The following PDZRN4 variants were observed in gnomAD, a reference collection of about 807,000 sequenced individuals.
PDZRN4 encodes PDZ domain-containing RING finger protein 4.
Under a neutral mutation model 99.0 loss-of-function variants are expected in PDZRN4, and 70 were observed. That is an observed-to-expected ratio of 0.71 (90% CI 0.58 to 0.86). The LOEUF is 0.86. Ranked by LOEUF, PDZRN4 falls within the 40% of genes least tolerant of loss-of-function variation. The pLI is 0.00. For synonymous variants in PDZRN4, 551 were observed against 501.6 expected, an observed-to-expected ratio of 1.10 and a Z score of -1.32; for missense variants, 1,474 against 1,331.2, an observed-to-expected ratio of 1.11 and a Z score of -1.67.
At chr12:41,394,656 T>C (rs1424733580) in intron 3 of PDZRN4, among the ~76,000 whole-genome samples, 1 of 152,146 alleles carries the variant, frequency 6.6e-6, no homozygotes, top group African/African-American at 2.4e-5. Context: ...CTCATGTGGT[T>C]GTTAGAGGTC....
At chr12:41,453,643 G>A (rs1469709285) in intron 3 of PDZRN4, among the ~76,000 whole-genome samples, 1 of 152,128 alleles carries the variant, frequency 6.6e-6, no homozygotes, top group Non-Finnish European at 1.5e-5. Flanking sequence ...TGTGACTAGT[G>A]GCTTCAAATG....
intron 3 of PDZRN4, among the ~76,000 whole-genome samples, chr12:41,376,407 A>T (rs1457745693): frequency 6.6e-6 from 1 of 151,982 alleles, no homozygotes; most frequent in Non-Finnish European, 1.5e-5. Flanking sequence ...TGTTTTTTTT[A>T]GATAATAGCC....
chr12:41,334,389 T>TAAAAAAAAA (rs59977032), intron 3 of PDZRN4, among the ~76,000 whole-genome samples: 1 of 143,738 alleles, frequency 7.0e-6, no homozygotes, highest in Non-Finnish European at 1.5e-5. Context: ...AATGAAAAGT[T>TAAAAAAAAA]AAAAAAAAAA....
chr12:41,214,430 T>TAAAAAAAAAAAAAAAAAAAAAAAAAA lies in PDZRN4; in HGVS notation c.843+20262_843+20263insAAAAAAAAAAAAAAAAAAAAAAAAAA, dbSNP rs536246838. Among the ~76,000 whole-genome samples the TAAAAAAAAAAAAAAAAAAAAAAAAAA allele has an allele frequency of 1.6e-3, 54 of 34,050 alleles. 13 individuals carry two copies. The highest frequency in any genetic ancestry group is 2.8e-3 in the Non-Finnish European group (44 of 15,802). 22.3% of individuals were successfully genotyped at this position (34,050 alleles called of 152,430 possible). A position where few individuals can be genotyped will look rare whatever the true frequency, so the allele number is the denominator to read the frequency against. Reference sequence around the variant, plus strand: ...GGCAATAGAAGGAGACCCTGTCCCCTAAAAAAAAAAAAAAAAAAAAGTTAT... The same window carrying TAAAAAAAAAAAAAAAAAAAAAAAAAA: ...GGCAATAGAAGGAGACCCTGTCCCCTAAAAAAAAAAAAAAAAAAAAAAAAAAAAAAAAAAAAAAAAAAAAAAGTTAT... On this transcript the variant is annotated intron_variant, in intron 3 of 9. Coordinates refer to ENST00000402685, the MANE Select transcript of PDZRN4 (RefSeq NM_001164595.2).
chr12:41,191,789 G>T (rs2405770), intron 2 of PDZRN4, among the ~76,000 whole-genome samples: 17,744 of 129,360 alleles, frequency 0.14, 1,431 homozygotes, highest in Middle Eastern at 0.2. Flanking sequence ...TATTTATTTT[G>T]TTTGTTTGTT....
chr12:41,214,848 A>G (rs1240582611), intron 3 of PDZRN4, among the ~76,000 whole-genome samples: 1 of 152,092 alleles, frequency 6.6e-6, no homozygotes, highest in Non-Finnish European at 1.5e-5. Flanking sequence ...ATTTGATCAT[A>G]CTTTGGTGAT....
intron 3 of PDZRN4, among the ~76,000 whole-genome samples, chr12:41,382,268 A>G (rs1194309059): frequency 3.9e-5 from 6 of 152,072 alleles, no homozygotes; most frequent in South Asian, 2.1e-4. Flanking sequence ...TCTGGGCTCT[A>G]TGATTGGTCA....
At chr12:41,567,461 G>A (rs1230059923) in intron 8 of PDZRN4, among the ~76,000 whole-genome samples, 1 of 152,118 alleles carries the variant, frequency 6.6e-6, no homozygotes, top group African/African-American at 2.4e-5. Flanking sequence ...ACTGTTGGAG[G>A]TAATGAGCAT....
intron 3 of PDZRN4, among the ~76,000 whole-genome samples, chr12:41,302,635 T>C (rs1951543596): frequency 6.6e-6 from 1 of 152,150 alleles, no homozygotes; most frequent in African/African-American, 2.4e-5. Context: ...GTTTCATTCA[T>C]GCTGAATTTG....
intron 3 of PDZRN4, among the ~76,000 whole-genome samples, chr12:41,367,838 AG>A (rs1385398391): frequency 6.6e-6 from 1 of 152,108 alleles, no homozygotes; most frequent in Admixed American, 6.6e-5. Flanking sequence ...AACAAAAACA[AG>A]GAAAAAAAAT....
intron 3 of PDZRN4, among the ~76,000 whole-genome samples, chr12:41,303,398 CAGA>C (rs1390542468): frequency 6.6e-6 from 1 of 152,136 alleles, no homozygotes; most frequent in African/African-American, 2.4e-5. Context: ...ACGGGCTTCG[CAGA>C]AGTTTTCTCT....
chr12:41,349,639 A>T (rs1951877346), intron 3 of PDZRN4, among the ~76,000 whole-genome samples: 1 of 152,028 alleles, frequency 6.6e-6, no homozygotes. Flanking sequence ...TTAACTCTAT[A>T]TTCGACATCT....
At chr12:41,511,428 GCT>G (rs1435857716) in intron 5 of PDZRN4, among the ~76,000 whole-genome samples, 2 of 151,990 alleles carry the variant, frequency 1.3e-5, no homozygotes, top group Non-Finnish European at 2.9e-5. Context: ...TCTCAGACAA[GCT>G]CTCTGTAGCC....
chr12:41,495,742 C>T (rs1937988357), intron 3 of PDZRN4, among the ~76,000 whole-genome samples: 1 of 152,082 alleles, frequency 6.6e-6, no homozygotes, highest in South Asian at 2.1e-4. Flanking sequence ...TATGTTAAAG[C>T]TGTCTTTCTC....
intron 3 of PDZRN4, chr12:41,412,328 A>T (rs1379891636): frequency 6.6e-6 from 1 of 152,162 alleles, no homozygotes; most frequent in Non-Finnish European, 1.5e-5. Context: ...GATGATGAAA[A>T]ACTAGCAAAG....
chr12:41,492,689 G>A (rs966096571), intron 3 of PDZRN4, among the ~76,000 whole-genome samples: 1 of 152,128 alleles, frequency 6.6e-6, no homozygotes. Flanking sequence ...TCTTGGTGGT[G>A]TAAGAAAAAA....
intron 8 of PDZRN4, among the ~76,000 whole-genome samples, chr12:41,566,785 A>G (rs952669422): frequency 2.0e-5 from 3 of 152,162 alleles, no homozygotes; most frequent in African/African-American, 4.8e-5. Flanking sequence ...TCAAACTATT[A>G]TCCATGTTTG....
intron 5 of PDZRN4, among the ~76,000 whole-genome samples, chr12:41,539,932 T>A (rs1938818766): frequency 6.6e-6 from 1 of 152,186 alleles, no homozygotes; most frequent in Admixed American, 6.5e-5. Flanking sequence ...TTGGTTTTAA[T>A]GCATGTTACT....
chr12:41,376,355 G>A (rs181410901), intron 3 of PDZRN4, among the ~76,000 whole-genome samples: 1 of 152,016 alleles, frequency 6.6e-6, no homozygotes, highest in Non-Finnish European at 1.5e-5. Flanking sequence ...AATGCACAAG[G>A]GTTCCCTTTT....
Sources: gnomAD v4.1 joint callset for allele counts (sites outside exome capture counted in the v4.1 genomes callset) on GRCh38, gnomAD v4.1.1 for gene constraint, MANE v1.5 for transcripts, NCBI Gene and HGNC (gene_info 2026-07-23, HGNC 2026-07-21) for gene names.